CCDC112: variants seen among roughly 807,000 people sequenced by gnomAD.
The protein encoded by CCDC112 is coiled-coil domain-containing protein 112.
CCDC112 carries 40 observed loss-of-function variants against 66.3 expected under a neutral mutation model. That is an observed-to-expected ratio of 0.60 (90% CI 0.47 to 0.79). The LOEUF (loss-of-function observed/expected upper bound fraction) is 0.79. Among genes scored for constraint, CCDC112 ranks in the 30% least tolerant of loss-of-function variants. The pLI is 0.00. For missense variants in CCDC112, 659 were observed against 603.8 expected, an observed-to-expected ratio of 1.09 and a Z score of -0.96; for synonymous variants, 214 against 197.2, an observed-to-expected ratio of 1.09 and a Z score of -0.71.
In CCDC112 at chr5:115,276,840, ATAAAG is replaced by A. The variant is rs1749226457; in HGVS notation, c.451+120_451+124del. On this transcript the variant is annotated intron_variant, in intron 4 of 9. Coordinates refer to ENST00000379611, the MANE Select transcript of CCDC112 (RefSeq NM_001040440.3). ...TAATAAACTTATTAAGTCCTAACCA[ATAAAG>A]TAGAGTTTAGCTCCATTAATAAACT... 1.0e-5 allele frequency: 6 copies of A among 585,512 alleles called. No homozygotes were observed. The South Asian group carries it at 1.1e-4, about 11-fold the overall frequency. The allele number at this position is 585,512 out of a possible 1,614,324, so 36.3% of individuals were successfully genotyped here.
At chr5:115,276,403 T>C (rs762014927) in intron 4 of CCDC112, among the ~76,000 whole-genome samples, 21 of 152,194 alleles carry the variant, frequency 1.4e-4, no homozygotes, top group East Asian at 5.8e-4. Context: ...CCATACACCC[T>C]GAGACCTTTA....
In CCDC112 at chr5:115,279,773, A is replaced by G. The variant is rs1304865040; in HGVS notation, c.240-5T>C. 1 of 1,413,360 alleles carries G rather than the reference A, an allele frequency of 7.1e-7. No homozygotes were observed. Among genetic ancestry groups the G allele is most frequent in the East Asian group, 2.3e-5 (1 of 43,206 alleles). 87.6% of individuals were successfully genotyped at this position (1,413,360 alleles called of 1,614,324 possible). A position where few individuals can be genotyped will look rare whatever the true frequency, so the allele number is the denominator to read the frequency against. On this transcript the variant is annotated splice_polypyrimidine_tract_variant and splice_region_variant and intron_variant, in intron 2 of 9. Coordinates refer to ENST00000379611, the MANE Select transcript of CCDC112 (RefSeq NM_001040440.3). ...TCTTTTTCCATGTTAATTACTCTTTAGGAAAAGAAACAAATAGTATAAATA... is the reference window on the plus strand; with the variant it reads ...TCTTTTTCCATGTTAATTACTCTTTGGGAAAAGAAACAAATAGTATAAATA...
intron 1 of CCDC112, among the ~76,000 whole-genome samples, chr5:115,292,270 C>T (rs1008223329): frequency 6.6e-6 from 1 of 152,160 alleles, no homozygotes; most frequent in Non-Finnish European, 1.5e-5. Context: ...TCTGCCAGCT[C>T]AGATCTGGTG....
At chr5:115,286,576 A>G (rs1749683301) in intron 1 of CCDC112, among the ~76,000 whole-genome samples, 2 of 152,088 alleles carry the variant, frequency 1.3e-5, no homozygotes, top group Non-Finnish European at 2.9e-5. Flanking sequence ...GAATTTCTGG[A>G]TCATAAAGTA....
At chr5:115,296,280 CAA>C in intron 1 of CCDC112, 145 bp downstream of exon 1, 1 of 1,321,752 alleles carries the variant, frequency 7.6e-7, no homozygotes, top group Non-Finnish European at 9.6e-7. Context: ...CACAAGCCAA[CAA>C]AGAGCAACGC....
At chr5:115,294,984 C>CACCA (rs1338646278) in intron 1 of CCDC112, among the ~76,000 whole-genome samples, 1 of 152,062 alleles carries the variant, frequency 6.6e-6, no homozygotes, top group East Asian at 1.9e-4. Flanking sequence ...AGACAGTATA[C>CACCA]ACCATGGTTC....
At chr5:115,280,362 GAC>G (rs1214507044) in intron 2 of CCDC112, 1 of 152,160 alleles carries the variant, frequency 6.6e-6, no homozygotes, top group Non-Finnish European at 1.5e-5. Flanking sequence ...CATCTACAAA[GAC>G]AGGAAATTTC....
intron 1 of CCDC112, chr5:115,295,769 G>T: frequency 2.7e-6 from 1 of 371,744 alleles, no homozygotes; most frequent in Non-Finnish European, 3.7e-6. Flanking sequence ...TAGAAATAAA[G>T]TATGTAATAT....
chr5:115,296,011 T>C lies in CCDC112; in HGVS notation c.117+416A>G, dbSNP rs976974023. 3.6e-5 allele frequency: 36 copies of C among 990,802 alleles called. No homozygotes were observed. In the African/African-American group the frequency reaches 5.7e-4, roughly 16 times the overall value. 61.4% of individuals were successfully genotyped at this position (990,802 alleles called of 1,614,324 possible). On this transcript the variant is annotated intron_variant, in intron 1 of 9. Coordinates refer to ENST00000379611, the MANE Select transcript of CCDC112 (RefSeq NM_001040440.3). ...TTTCTCCTTGTGTTCCCAGCGCCGG[T>C]ACAGTAACAGAGCTGCCACCAATTA...
Position 115,267,804 on chromosome 5 carries a change from G to A in CCDC112, c.*72C>T, listed in dbSNP as rs1474154392. ...TAAGCTATTGATATTTAAAGAATGTGGTTAGTCACTCTCTCCCTGGTATAA... is the reference window on the plus strand; with the variant it reads ...TAAGCTATTGATATTTAAAGAATGTAGTTAGTCACTCTCTCCCTGGTATAA... On this transcript the variant is annotated 3_prime_UTR_variant, in exon 10 of 10. Coordinates refer to ENST00000379611, the MANE Select transcript of CCDC112 (RefSeq NM_001040440.3). 8.9e-7 allele frequency: 1 copy of A among 1,129,618 alleles called. No homozygotes were observed. Among genetic ancestry groups the A allele is most frequent in the South Asian group, 1.2e-5 (1 of 80,196 alleles). 70.0% of individuals were successfully genotyped at this position (1,129,618 alleles called of 1,614,324 possible).
At chr5:115,274,121 A>G (rs1749107175) in intron 6 of CCDC112, among the ~76,000 whole-genome samples, 1 of 152,176 alleles carries the variant, frequency 6.6e-6, no homozygotes, top group Admixed American at 6.5e-5. Context: ...CAAAAGAAAA[A>G]AAAGACTCTG....
At chr5:115,282,244 G>A (rs1190870881) in intron 2 of CCDC112, among the ~76,000 whole-genome samples, 1 of 152,134 alleles carries the variant, frequency 6.6e-6, no homozygotes, top group Non-Finnish European at 1.5e-5. Flanking sequence ...GTAGGAAAAT[G>A]TTAGACATAT....
Position 115,279,718 on chromosome 5 carries a change from C to CT in CCDC112, c.289dup (p.Ser97LysfsTer2). 6.3e-7 allele frequency: 1 copy of CT among 1,593,942 alleles called. No individual in the cohort carries two copies. The highest frequency in any genetic ancestry group is 1.1e-5 in the South Asian group (1 of 90,598). ...CATACTATGCTCAATTCTGAAGTCA[C>CT]TTTTTTGGTTGTAGAAATGACTGTG... On this transcript the variant is annotated frameshift_variant, in exon 3 of 10. Transcript: ENST00000379611. LOFTEE classifies it high-confidence loss of function.
intron 6 of CCDC112, among the ~76,000 whole-genome samples, chr5:115,272,363 G>A (rs569040086): frequency 1.8e-4 from 27 of 152,142 alleles, no homozygotes; most frequent in Non-Finnish European, 3.4e-4. Context: ...TTAAGAGTAG[G>A]GTGGTTAAGA....
chr5:115,281,042 G>C (rs1170298354), intron 2 of CCDC112, among the ~76,000 whole-genome samples: 1 of 97,690 alleles, frequency 1.0e-5, no homozygotes, highest in Admixed American at 1.1e-4. Flanking sequence ...TTTTTTTTTT[G>C]AGACAGACTC....
chr5:115,268,867 C>G lies in CCDC112; in HGVS notation c.1547+15G>C. Reference sequence around the variant, plus strand: ...TTAAATTACTAAATGAACACCAATTCTAACTCTTTCTTACCTATGTGGGAT... The same window carrying G: ...TTAAATTACTAAATGAACACCAATTGTAACTCTTTCTTACCTATGTGGGAT... On this transcript the variant is annotated intron_variant, in intron 9 of 9. Transcript: ENST00000379611. The G allele has an allele frequency of 6.9e-7, 1 of 1,451,394 alleles. No homozygotes were observed. Among genetic ancestry groups the G allele is most frequent in the Non-Finnish European group, 9.4e-7 (1 of 1,062,960 alleles). 89.9% of individuals were successfully genotyped at this position (1,451,394 alleles called of 1,614,324 possible). A position where few individuals can be genotyped will look rare whatever the true frequency, so the allele number is the denominator to read the frequency against.
chr5:115,289,118 T>A (rs1749810546), intron 1 of CCDC112: 1 of 236,362 alleles, frequency 4.2e-6, no homozygotes, highest in South Asian at 5.2e-5. Context: ...TAAGTCTTCT[T>A]TAGTTTATTG....
At chr5:115,269,104 G>C in intron 8 of CCDC112, 104 bp from the exon 9 acceptor site, 1 of 580,556 alleles carries the variant, frequency 1.7e-6, no homozygotes, top group Non-Finnish European at 2.9e-6. Flanking sequence ...AGTTGATATT[G>C]GCTAATAAAA....
At position 115,275,577 on chromosome 5, in the gene CCDC112, G is replaced by C; in HGVS notation, c.557C>G (p.Thr186Arg). ...TATGGCACTCAACTCATTATTAGTT[G>C]TCTTCTCTTCTTTAATTAGCTCTTC... ...IYEELIKEEKTTNNELSAISR... is the reference protein window; with the variant it reads ...IYEELIKEEKRTNNELSAISR... Residue 186 changes from threonine to arginine, a missense_variant, in exon 6 of 10, where the codon ACA becomes AGA. Physicochemically the swap from Thr to Arg is moderately conservative, Grantham distance 71. Coordinates refer to ENST00000379611, the MANE Select transcript of CCDC112 (RefSeq NM_001040440.3). 6.3e-7 allele frequency: 1 copy of C among 1,594,254 alleles called. No individual in the cohort carries two copies. The highest frequency in any genetic ancestry group is 8.6e-7 in the Non-Finnish European group (1 of 1,168,886).
Sources: gnomAD v4.1 joint callset for allele counts (sites outside exome capture counted in the v4.1 genomes callset) on GRCh38, gnomAD v4.1.1 for gene constraint, MANE v1.5 for transcripts, NCBI Gene and HGNC (gene_info 2026-07-23, HGNC 2026-07-21) for gene names.